The following USF3 variants were observed in gnomAD, a reference collection of about 807,000 sequenced individuals.
The protein encoded by USF3 is upstream transcription factor family member 3.
Under a neutral mutation model 157.5 loss-of-function variants are expected in USF3, and 29 were observed. That is an observed-to-expected ratio of 0.18 (90% confidence interval 0.14 to 0.25). The LOEUF is 0.25. Ranked by LOEUF, USF3 falls within the 10% of genes least tolerant of loss-of-function variation. The probability of loss-of-function intolerance (pLI) is 1.00; values close to 1 mark genes in which losing one functional copy is unlikely to be tolerated. For synonymous variants in USF3, 893 were observed against 941.4 expected (o/e 0.95, Z 0.94); for missense variants, 2,381 against 2,667.6 (o/e 0.89, Z 2.37).
At position 113,661,330 on chromosome 3, in the gene USF3, A is replaced by G. The variant is rs777007485; in HGVS notation, c.352T>C (p.Tyr118His). The change falls in exon 7 of 7, where the codon TAT becomes CAT. Residue 118 changes from tyrosine (Y) to histidine (H), a missense_variant. This residue lies in a region of USF3 where 105 missense variants were observed against 158.6 expected (regional missense o/e 0.66). Coordinates refer to ENST00000316407, the MANE Select transcript of USF3 (RefSeq NM_001009899.4). Reference sequence around the variant, plus strand: ...TTCCAGTGAATTGTCGGGTCATCATATAAGCATATGTCATTAGCTTTCAGT... The same window carrying G: ...TTCCAGTGAATTGTCGGGTCATCATGTAAGCATATGTCATTAGCTTTCAGT... ...ELLKANDICL[Y>H]DDPTIHWKGN... 19 of 1,613,572 alleles carry G rather than the reference A, an allele frequency of 1.2e-5. No homozygotes were observed. Among genetic ancestry groups the G allele is most frequent in the Non-Finnish European group, 1.5e-5 (18 of 1,179,530 alleles).
intron 2 of USF3, among the ~76,000 whole-genome samples, chr3:113,675,271 G>T (rs1196242480): frequency 6.6e-6 from 1 of 152,154 alleles, no homozygotes; most frequent in Non-Finnish European, 1.5e-5. Context: ...TTCATGTGAA[G>T]TGTTATACAG....
Position 113,653,616 on chromosome 3 carries a change from A to AC in USF3, c.*1327_*1328insG, listed in dbSNP as rs1239567593. ...AGACTCCATCTATTAAAAAAAAAAA[A>AC]AAAAAAAAAACCCTACCTATATCAA... is the stretch of plus-strand genomic sequence containing the variant. On this transcript the variant is annotated 3_prime_UTR_variant, in exon 7 of 7. Coordinates refer to ENST00000316407, the MANE Select transcript of USF3 (RefSeq NM_001009899.4). 1.3e-5 allele frequency: 2 copies of AC among 151,794 alleles called. No homozygotes were observed. The highest frequency in any genetic ancestry group is 2.9e-5 in the Non-Finnish European group (2 of 68,052). 9.4% of individuals were successfully genotyped at this position (151,794 alleles called of 1,614,324 possible). A position where few individuals can be genotyped will look rare whatever the true frequency, so the allele number is the denominator to read the frequency against.
chr3:113,666,028 T>C (rs1195241520), intron 5 of USF3, among the ~76,000 whole-genome samples: 1 of 151,342 alleles, frequency 6.6e-6, no homozygotes, highest in Non-Finnish European at 1.5e-5. Context: ...CTACTAAAAA[T>C]ACAAAATTAG....
At chr3:113,687,397 T>A (rs1267301067) in intron 1 of USF3, among the ~76,000 whole-genome samples, 1 of 152,216 alleles carries the variant, frequency 6.6e-6, no homozygotes, top group East Asian at 1.9e-4. Flanking sequence ...GAGAATGGAA[T>A]TTAGAAACCA....
chr3:113,662,932 T>C (rs1449063444), intron 6 of USF3, among the ~76,000 whole-genome samples: 1 of 151,656 alleles, frequency 6.6e-6, no homozygotes, highest in East Asian at 1.9e-4. Context: ...ATCCTCATTT[T>C]AACATAGGGA....
chr3:113,688,157 C>A (rs1039684803), intron 1 of USF3, among the ~76,000 whole-genome samples: 27 of 151,488 alleles, frequency 1.8e-4, no homozygotes, highest in African/African-American at 6.6e-4. Flanking sequence ...CTCACCCTGT[C>A]GCCCAAACTG....
At position 113,659,074 on chromosome 3, in the gene USF3, G is replaced by T. The variant is rs1422697038; in HGVS notation, c.2608C>A (p.Leu870Ile). 2.5e-5 allele frequency: 41 copies of T among 1,613,998 alleles called. No individual in the cohort carries two copies. Among genetic ancestry groups the T allele is most frequent in the Non-Finnish European group, 3.3e-5 (39 of 1,180,006 alleles). ...TCAGGTATTAATGATTCAGAGCTTA[G>T]AACACCCAAAGAATGTGAAGCAGAA... is the stretch of plus-strand genomic sequence containing the variant. ...SVSASHSLGV[L>I]SSESLIPESV... The change falls in exon 7 of 7, where the codon CTA becomes ATA. Residue 870 changes from leucine to isoleucine, a missense_variant. Coordinates refer to ENST00000316407, the MANE Select transcript of USF3 (RefSeq NM_001009899.4).
Position 113,657,251 on chromosome 3 carries a change from T to C in USF3, c.4431A>G (p.Gln1477=). The C allele has an allele frequency of 1.9e-6, 3 of 1,584,308 alleles. No individual in the cohort carries two copies. The highest frequency in any genetic ancestry group is 2.6e-6 in the Non-Finnish European group (3 of 1,169,740). Residue 1477 remains glutamine (Q), a synonymous_variant, in exon 7 of 7, where the codon CAA becomes CAG. Transcript: ENST00000316407. ...QQQQQQQQQQ[Q]QAGQLRERHH... ...GCCTCTCTCTTAACTGCCCTGCTTG[T>C]TGTTGTTGCTGTTGCTGCTGCTGCT... is the stretch of plus-strand genomic sequence containing the variant.
Position 113,689,457 on chromosome 3 carries a change from A to G in USF3, c.-135+6913T>C, listed in dbSNP as rs192881253. Among the ~76,000 whole-genome samples, 24 of 152,340 alleles carry G rather than the reference A, an allele frequency of 1.6e-4. No homozygotes were observed. The East Asian group carries it at 4.6e-3, about 29-fold the overall frequency. ...CATTTACCGTAAATCCTATAAATCT[A>G]TAAATCTATCCTTTCAGGCCTCCAG... On this transcript the variant is annotated intron_variant, in intron 1 of 6. Coordinates refer to ENST00000316407, the MANE Select transcript of USF3 (RefSeq NM_001009899.4).
At chr3:113,691,814 C>T (rs1257231923) in intron 1 of USF3, among the ~76,000 whole-genome samples, 8 of 152,194 alleles carry the variant, frequency 5.3e-5, no homozygotes, top group East Asian at 3.8e-4. Flanking sequence ...AGGTAGACAG[C>T]GGTGACACTA....
rs1947418650 is a variant in USF3 at position 113,658,768 on chromosome 3, A to C, written c.2914T>G (p.Cys972Gly). Residue 972 changes from cysteine (C) to glycine (G), a missense_variant, in exon 7 of 7, where the codon TGT becomes GGT. Transcript: ENST00000316407. The part of the protein sequence containing the change: ...SSTTSTTSTD[C>G]VSEVEIIAEP... Reference sequence around the variant, plus strand: ...GCAATGATTTCTACCTCAGAAACACAGTCAGTACTTGTAGTGCTTGTTGTA... The same window carrying C: ...GCAATGATTTCTACCTCAGAAACACCGTCAGTACTTGTAGTGCTTGTTGTA... The C allele has an allele frequency of 6.2e-7, 1 of 1,614,170 alleles. No individual in the cohort carries two copies. Among genetic ancestry groups the C allele is most frequent in the African/African-American group, 1.3e-5 (1 of 75,050 alleles).
At chr3:113,678,649 A>ATAAT (rs1707337549) in intron 1 of USF3, among the ~76,000 whole-genome samples, 1 of 151,702 alleles carries the variant, frequency 6.6e-6, no homozygotes, top group African/African-American at 2.4e-5. Flanking sequence ...TGTCCACTTA[A>ATAAT]TAATTAGCTT....
chr3:113,650,159 A>G lies in USF3; in HGVS notation c.*4785T>C. 2.6e-6 allele frequency: 1 copy of G among 390,020 alleles called. No individual in the cohort carries two copies. Among genetic ancestry groups the G allele is most frequent in the Non-Finnish European group, 4.6e-6 (1 of 215,774 alleles). 24.2% of individuals were successfully genotyped at this position (390,020 alleles called of 1,614,324 possible). A position where few individuals can be genotyped will look rare whatever the true frequency, so the allele number is the denominator to read the frequency against. On this transcript the variant is annotated 3_prime_UTR_variant, in exon 7 of 7. Coordinates refer to ENST00000316407, the MANE Select transcript of USF3 (RefSeq NM_001009899.4). ...TTACAAAAATGGCTTCCAGGCTCCT[A>G]AAGATATCACTCCAAAGCTGTTTCA...
rs776306324 is a variant in USF3, at chr3:113,656,256, C to T, written c.5426G>A (p.Arg1809Lys). 6.2e-7 allele frequency: 1 copy of T among 1,614,154 alleles called. No homozygotes were observed. The highest frequency in any genetic ancestry group is 2.2e-5 in the East Asian group (1 of 44,872). The change falls in exon 7 of 7, where the codon AGG (arginine) becomes AAG (lysine). Residue 1809 changes from arginine to lysine, a missense_variant. Arg to Lys is a conservative substitution (Grantham distance 26, BLOSUM62 2). Around this residue, in one of 6 missense-constraint regions of USF3, gnomAD observed 770 missense variants for 824.2 expected, o/e 0.93. Transcript: ENST00000316407. Reference protein sequence around the residue: ...SIPTGNGIPSRDSENTCHQSF... With the variant: ...SIPTGNGIPSKDSENTCHQSF... ...TTGGTGACAAGTATTTTCACTGTCC[C>T]TTGATGGAATACCATTTCCTGTTGG...
At chr3:113,686,877 A>G (rs2107959660) in intron 1 of USF3, among the ~76,000 whole-genome samples, 1 of 152,268 alleles carries the variant, frequency 6.6e-6, no homozygotes, top group African/African-American at 2.4e-5. Flanking sequence ...CTTTTCCTCA[A>G]ATTTCCTGTT....
intron 1 of USF3, among the ~76,000 whole-genome samples, chr3:113,679,009 GTCTCTCTCTCTCTCTC>G (rs373834496): frequency 6.9e-6 from 1 of 144,142 alleles, no homozygotes; most frequent in African/African-American, 2.6e-5. Context: ...CCAGGCTGGT[GTCTCTCTCTCTCTCTC>G]TCTCTCTCTC....
chr3:113,649,461 C>T lies in USF3; in HGVS notation c.*5483G>A, dbSNP rs2107906380. 1 of 189,724 alleles carries T rather than the reference C, an allele frequency of 5.3e-6. No homozygotes were observed. The highest frequency in any genetic ancestry group is 2.3e-5 in the African/African-American group (1 of 43,070). The allele number at this position is 189,724 out of a possible 1,614,324, so 11.8% of individuals were successfully genotyped here. On this transcript the variant is annotated 3_prime_UTR_variant, in exon 7 of 7. Coordinates refer to ENST00000316407, the MANE Select transcript of USF3 (RefSeq NM_001009899.4). Reference sequence around the variant, plus strand: ...AAATAAGGATGTTGAATGACCACCACATACAAGCTCTGAGTTTAACAGGAG... The same window carrying T: ...AAATAAGGATGTTGAATGACCACCATATACAAGCTCTGAGTTTAACAGGAG...
At chr3:113,676,397 T>C (rs1707282433) in intron 2 of USF3, among the ~76,000 whole-genome samples, 1 of 152,132 alleles carries the variant, frequency 6.6e-6, no homozygotes, top group Non-Finnish European at 1.5e-5. Context: ...ACAATCATGG[T>C]GGAAGGGGAA....
rs1206209729 is a variant in USF3 at position 113,696,527 on chromosome 3, G to A, written c.-292C>T. ...GCTCCTCCGGGGCTGGGGGAGCGCG[G>A]GCCCAGGCCCTCCTCTCCCCCCGCC... On this transcript the variant is annotated 5_prime_UTR_variant, in exon 1 of 7. Coordinates refer to ENST00000316407, the MANE Select transcript of USF3 (RefSeq NM_001009899.4). 6.6e-6 allele frequency: 1 copy of A among 152,100 alleles called. No individual in the cohort carries two copies. The highest frequency in any genetic ancestry group is 2.4e-5 in the African/African-American group (1 of 41,360). The allele number at this position is 152,100 out of a possible 1,614,324, so 9.4% of individuals were successfully genotyped here.
Sources: gnomAD v4.1 joint callset for allele counts (sites outside exome capture counted in the v4.1 genomes callset) on GRCh38, gnomAD v4.1.1 for gene constraint, gnomAD v4.1.1 regional missense constraint, MANE v1.5 for transcripts, NCBI Gene and HGNC (gene_info 2026-07-23, HGNC 2026-07-21) for gene names.